Variants in CDH23 observed in about 807,000 individuals in gnomAD.
CDH23 encodes the protein cadherin-23.
Under a neutral mutation model 317.1 loss-of-function variants are expected in CDH23, and 189 were observed. The ratio of observed to expected loss-of-function variants is 0.60; its 90% CI spans 0.53 to 0.67. The LOEUF (loss-of-function observed/expected upper bound fraction) is 0.67, where lower values mean the gene tolerates loss of function less well. Among genes scored for constraint, CDH23 ranks in the 30% least tolerant of loss-of-function variants. CDH23 has a pLI of 0.00. For missense variants in CDH23, 4,401 were observed against 4,592.4 expected (o/e 0.96, Z 1.20); for synonymous variants, 1,839 against 1,876.8 (o/e 0.98, Z 0.52).
At chr10:71,752,884 G>A in intron 38 of CDH23, 1 of 1,457,132 alleles carries the variant, frequency 6.9e-7, no homozygotes, top group Non-Finnish European at 9.4e-7. Context: ...GCTGCTCTAG[G>A]CAGCTAAACA....
chr10:71,797,334 C>G, intron 49 of CDH23, 114 bp downstream of exon 49: 1 of 702,866 alleles, frequency 1.4e-6, no homozygotes, highest in Non-Finnish European at 2.4e-6. Context: ...GACCCAGTTG[C>G]TCTGGGGGCC....
intron 6 of CDH23, among the ~76,000 whole-genome samples, chr10:71,521,262 C>T (rs1331261625): frequency 6.6e-6 from 1 of 152,166 alleles, no homozygotes; most frequent in East Asian, 1.9e-4. Flanking sequence ...CCAATGCCCA[C>T]TCACGTCCTT....
At position 71,732,035 on chromosome 10, in the gene CDH23, A is replaced by G. The variant is rs372158876; in HGVS notation, c.3764A>G (p.Lys1255Arg). ...CGCATCCTGTCGGGCGCAGAGGGGAAGTTTGAGATTGACGAGAGCACAGGG... is the reference window on the plus strand; with the variant it reads ...CGCATCCTGTCGGGCGCAGAGGGGAGGTTTGAGATTGACGAGAGCACAGGG... ...NYRILSGAEG[K>R]FEIDESTGLI... The change falls in exon 32 of 70, where the codon AAG becomes AGG. Residue 1255 changes from lysine to arginine, a missense_variant. Transcript: ENST00000224721. The G allele has an allele frequency of 1.2e-6, 2 of 1,613,998 alleles. No individual in the cohort carries two copies. Among genetic ancestry groups the G allele is most frequent in the Non-Finnish European group, 1.7e-6 (2 of 1,179,892 alleles).
chr10:71,545,600 G>A (rs1329939326), intron 6 of CDH23, among the ~76,000 whole-genome samples: 1 of 152,152 alleles, frequency 6.6e-6, no homozygotes, highest in African/African-American at 2.4e-5. Context: ...AGGGCCTACT[G>A]TGTGCTAAGC....
intron 9 of CDH23, among the ~76,000 whole-genome samples, chr10:71,583,898 C>T (rs1264628730): frequency 1.3e-5 from 2 of 152,186 alleles, no homozygotes; most frequent in Non-Finnish European, 2.9e-5. Context: ...CCAAGTCCCT[C>T]GGGTTCCAGA....
At chr10:71,535,800 T>G (rs1855669720) in intron 6 of CDH23, among the ~76,000 whole-genome samples, 1 of 152,236 alleles carries the variant, frequency 6.6e-6, no homozygotes, top group East Asian at 1.9e-4. Flanking sequence ...CATGAGGGTT[T>G]GAGCCAGGCA....
intron 23 of CDH23, 32 bp downstream of exon 23, chr10:71,702,243 A>G (rs369729287): frequency 5.0e-6 from 8 of 1,601,848 alleles, no homozygotes; most frequent in Non-Finnish European, 6.8e-6. Flanking sequence ...CACGGCCCCC[A>G]CACCTTAGGC....
Position 71,812,096 on chromosome 10 carries a change from C to T in CDH23, c.9380+81C>T, listed in dbSNP as rs1020286054. On this transcript the variant is annotated intron_variant, in intron 66 of 69. Transcript: ENST00000224721. ...GCTGGGGAGAGCTGCAGTCTCCCAG[C>T]GCTGGGGCTGCCGAAACCCAGGCTG... is the stretch of plus-strand genomic sequence containing the variant. 5.6e-6 allele frequency: 9 copies of T among 1,609,372 alleles called. No homozygotes were observed. The East Asian group carries it at 6.7e-5, about 12-fold the overall frequency.
chr10:71,577,258 C>T (rs1021249416), intron 8 of CDH23, among the ~76,000 whole-genome samples: 11 of 152,106 alleles, frequency 7.2e-5, no homozygotes, highest in African/African-American at 2.2e-4. Flanking sequence ...CAGCTCCTGC[C>T]CCTTCTCCAT....
chr10:71,702,509 T>G, intron 23 of CDH23, 40 bp from the exon 24 acceptor site: 1 of 1,613,190 alleles, frequency 6.2e-7, no homozygotes, highest in Admixed American at 1.7e-5. Context: ...TGCACCCATC[T>G]TACCCTGTCC....
intron 9 of CDH23, among the ~76,000 whole-genome samples, chr10:71,584,620 C>T (rs1225445805): frequency 6.6e-6 from 1 of 151,832 alleles, no homozygotes; most frequent in Non-Finnish European, 1.5e-5. Flanking sequence ...CACAACCTCA[C>T]ACCCCCCACA....
At chr10:71,475,560 C>T (rs750658268) in intron 3 of CDH23, among the ~76,000 whole-genome samples, 5 of 152,202 alleles carry the variant, frequency 3.3e-5, no homozygotes, top group South Asian at 4.1e-4. Flanking sequence ...TATAAATCTT[C>T]GGTATTAATG....
chr10:71,640,057 G>A (rs972252417), intron 11 of CDH23, among the ~76,000 whole-genome samples: 1 of 152,172 alleles, frequency 6.6e-6, no homozygotes, highest in Non-Finnish European at 1.5e-5. Flanking sequence ...AAGGAGAAGG[G>A]AGCAAGTCTC....
intron 11 of CDH23, among the ~76,000 whole-genome samples, chr10:71,640,585 T>C (rs1862494352): frequency 1.3e-5 from 2 of 152,038 alleles, no homozygotes. Flanking sequence ...CCGTCTCTAC[T>C]AAAAATACAA....
chr10:71,676,315 G>T (rs778328002), intron 15 of CDH23, among the ~76,000 whole-genome samples: 16 of 151,996 alleles, frequency 1.1e-4, no homozygotes, highest in African/African-American at 4.8e-5. Context: ...CCAGCTATCC[G>T]TGGGAAGGAT....
At chr10:71,810,598 A>G in intron 62 of CDH23, 29 bp downstream of exon 62, 1 of 1,604,680 alleles carries the variant, frequency 6.2e-7, no homozygotes, top group East Asian at 2.2e-5. Context: ...TTGGACTGTC[A>G]GCCTGTCTGT....
rs368188051 is a variant in CDH23, at chr10:71,432,657, TG to T, written c.-5-7167del. Among the ~76,000 whole-genome samples, 614 of 152,316 alleles carry T rather than the reference TG, an allele frequency of 4.0e-3. 6 individuals carry two copies. The highest frequency in any genetic ancestry group is 0.014 in the African/African-American group (580 of 41,572). On this transcript the variant is annotated intron_variant, in intron 1 of 69. Coordinates refer to ENST00000224721, the MANE Select transcript of CDH23 (RefSeq NM_022124.6). ...CAGCCTTGGGCCTTGTCTCCGAGCCTGGGTTTTAGCCCATTCTGCTGCTCGT... is the reference window on the plus strand; with the variant it reads ...CAGCCTTGGGCCTTGTCTCCGAGCCTGGTTTTAGCCCATTCTGCTGCTCGT...
intron 3 of CDH23, among the ~76,000 whole-genome samples, chr10:71,498,766 G>A (rs544325017): frequency 1.4e-4 from 21 of 152,322 alleles, no homozygotes; most frequent in Non-Finnish European, 2.1e-4. Context: ...ACTGGTCCTC[G>A]CAGCCCTCAG....
At chr10:71,587,781 C>T (rs962479049) in intron 9 of CDH23, among the ~76,000 whole-genome samples, 1 of 152,234 alleles carries the variant, frequency 6.6e-6, no homozygotes, top group Non-Finnish European at 1.5e-5. Context: ...ATCTGACTCC[C>T]TGGATGACTG....
Sources: gnomAD v4.1 joint callset for allele counts (sites outside exome capture counted in the v4.1 genomes callset) on GRCh38, gnomAD v4.1.1 for gene constraint, MANE v1.5 for transcripts, NCBI Gene and HGNC (gene_info 2026-07-23, HGNC 2026-07-21) for gene names.